The following ZNF385D variants were observed in gnomAD, a reference collection of about 807,000 sequenced individuals.
ZNF385D encodes the protein zinc finger protein 385D.
ZNF385D carries 15 observed loss-of-function variants against 35.8 expected under a neutral mutation model. The ratio of observed to expected loss-of-function variants is 0.42; its 90% CI spans 0.28 to 0.64. ZNF385D has a LOEUF of 0.64. Among genes scored for constraint, ZNF385D ranks in the 30% least tolerant of loss-of-function variants. The pLI is 0.23. For missense variants in ZNF385D, 474 were observed against 494.6 expected, an observed-to-expected ratio of 0.96 and a Z score of 0.39; for synonymous variants, 212 against 186.8, an observed-to-expected ratio of 1.13 and a Z score of -1.10.
chr3:21,814,707 G>C (rs980690833), intron 3 of ZNF385D, among the ~76,000 whole-genome samples: 2 of 152,134 alleles, frequency 1.3e-5, no homozygotes, highest in Admixed American at 6.6e-5. Flanking sequence ...CCTCCAAAGA[G>C]ACTTAGACTC....
At position 21,940,043 on chromosome 3, in the gene ZNF385D, C is replaced by G. The variant is rs73131366; in HGVS notation, c.325+228774G>C. Among the ~76,000 whole-genome samples, 1,226 of 152,296 alleles carry G rather than the reference C, an allele frequency of 8.1e-3. 12 individuals carry two copies. The highest frequency in any genetic ancestry group is 0.028 in the African/African-American group (1,168 of 41,562). On this transcript the variant is annotated intron_variant, in intron 3 of 5. Transcript: ENST00000494108. ...ATGAATTTTCTCTGAACATGCCTCA[C>G]TTCTTTCCAGTTCTTTTATTTCCTT...
rs1265325102 is a variant in ZNF385D at position 22,208,088 on chromosome 3, A to G, written c.107-39053T>C. 2.6e-5 allele frequency among the ~76,000 whole-genome samples: 4 copies of G among 152,134 alleles called. No homozygotes were observed. The East Asian group carries it at 5.8e-4, about 22-fold the overall frequency. ...CAATTCCACTGCTGGGCATGTACAC[A>G]AAAGAAAAGAAATCAGTATAGCAAA... On this transcript the variant is annotated intron_variant, in intron 2 of 5. Coordinates refer to the ZNF385D transcript ENST00000494108.
chr3:22,117,039 T>G (rs879521690), intron 3 of ZNF385D, among the ~76,000 whole-genome samples: 3 of 152,032 alleles, frequency 2.0e-5, no homozygotes, highest in Non-Finnish European at 4.4e-5. Flanking sequence ...ATGGTATATC[T>G]GTTAGAGGCA....
chr3:21,693,091 A>G (rs1305443273), intron 1 of ZNF385D, among the ~76,000 whole-genome samples: 2 of 152,224 alleles, frequency 1.3e-5, no homozygotes, highest in Non-Finnish European at 2.9e-5. Context: ...CTCCTTGCCT[A>G]CAATGGGTAC....
At chr3:22,204,346 A>G (rs780026479) in intron 2 of ZNF385D, among the ~76,000 whole-genome samples, 3 of 152,016 alleles carry the variant, frequency 2.0e-5, no homozygotes, top group Admixed American at 1.3e-4. Flanking sequence ...TGTATGATAA[A>G]AGACAAGTTC....
chr3:21,558,506 T>C (rs1421933181), intron 3 of ZNF385D, among the ~76,000 whole-genome samples: 1 of 152,204 alleles, frequency 6.6e-6, no homozygotes, highest in African/African-American at 2.4e-5. Flanking sequence ...TTAATTGCAC[T>C]GTGTTCCGAG....
chr3:21,638,792 G>A (rs1292727520), intron 2 of ZNF385D, among the ~76,000 whole-genome samples: 1 of 152,038 alleles, frequency 6.6e-6, no homozygotes, highest in African/African-American at 2.4e-5. Flanking sequence ...TAATACTCAG[G>A]TTTCTGGAAG....
chr3:21,636,040 C>T (rs984057787), intron 2 of ZNF385D, among the ~76,000 whole-genome samples: 1 of 151,942 alleles, frequency 6.6e-6, no homozygotes, highest in Non-Finnish European at 1.5e-5. Flanking sequence ...GTATCTTTTT[C>T]ATATAATGAC....
At chr3:21,649,245 C>T (rs1190790168) in intron 2 of ZNF385D, among the ~76,000 whole-genome samples, 2 of 152,026 alleles carry the variant, frequency 1.3e-5, no homozygotes, top group African/African-American at 2.4e-5. Context: ...AAAGTATGTG[C>T]ACATATGCTA....
At chr3:22,129,959 A>G (rs1017007024) in intron 3 of ZNF385D, among the ~76,000 whole-genome samples, 9 of 152,238 alleles carry the variant, frequency 5.9e-5, no homozygotes, top group African/African-American at 2.2e-4. Context: ...GGTCTTTCCC[A>G]AGGCCCATGG....
chr3:22,356,278 A>C (rs759350323), intron 2 of ZNF385D, among the ~76,000 whole-genome samples: 2 of 152,006 alleles, frequency 1.3e-5, no homozygotes, highest in Non-Finnish European at 2.9e-5. Flanking sequence ...ATGAAACAGC[A>C]AACCACACAG....
intron 3 of ZNF385D, among the ~76,000 whole-genome samples, chr3:21,793,537 G>A (rs943152237): frequency 1.3e-4 from 20 of 152,284 alleles, no homozygotes; most frequent in Admixed American, 1.1e-3. Context: ...TAAAATTTGA[G>A]GAGCATTTCC....
chr3:21,973,347 G>C (rs1292015935), intron 3 of ZNF385D, among the ~76,000 whole-genome samples: 1 of 151,876 alleles, frequency 6.6e-6, no homozygotes, highest in Non-Finnish European at 1.5e-5. Flanking sequence ...TGGTAAAAAA[G>C]CATTTGCTAC....
intron 2 of ZNF385D, among the ~76,000 whole-genome samples, chr3:22,185,250 C>G (rs77794458): frequency 1.3e-5 from 2 of 152,020 alleles, no homozygotes; most frequent in Admixed American, 1.3e-4. Flanking sequence ...ACTAAGAGAA[C>G]ATTTGAGCCA....
intron 3 of ZNF385D, among the ~76,000 whole-genome samples, chr3:21,962,071 T>C (rs996575042): frequency 9.2e-5 from 14 of 152,128 alleles, no homozygotes; most frequent in Non-Finnish European, 1.6e-4. Flanking sequence ...TACCTGGTTA[T>C]ATGGGTGTCT....
At chr3:21,955,692 C>A (rs1011059951) in intron 3 of ZNF385D, among the ~76,000 whole-genome samples, 7 of 152,110 alleles carry the variant, frequency 4.6e-5, no homozygotes, top group Admixed American at 3.3e-4. Context: ...AATTAACCCA[C>A]ATGTTATAAA....
chr3:21,606,551 G>A (rs1379632620), intron 2 of ZNF385D, among the ~76,000 whole-genome samples: 1 of 152,186 alleles, frequency 6.6e-6, no homozygotes, highest in Non-Finnish European at 1.5e-5. Context: ...AAAGTAAATT[G>A]TCTCTAAGCC....
At chr3:21,698,726 A>T (rs1055220396) in intron 1 of ZNF385D, among the ~76,000 whole-genome samples, 22 of 135,510 alleles carry the variant, frequency 1.6e-4, no homozygotes, top group South Asian at 6.8e-4. Context: ...GCAGCCAACA[A>T]ACATAAAAAA....
At chr3:22,025,530 CA>C (rs748080365) in intron 3 of ZNF385D, among the ~76,000 whole-genome samples, 9 of 152,260 alleles carry the variant, frequency 5.9e-5, no homozygotes, top group Non-Finnish European at 1.2e-4. Context: ...AGAGTTGGAT[CA>C]GGGTGAATTT....
Sources: gnomAD v4.1 joint callset for allele counts (sites outside exome capture counted in the v4.1 genomes callset) on GRCh38, gnomAD v4.1.1 for gene constraint, MANE v1.5 for transcripts, NCBI Gene and HGNC (gene_info 2026-07-23, HGNC 2026-07-21) for gene names.